Variants in COL25A1 observed in about 807,000 individuals in gnomAD.
The protein encoded by COL25A1 is collagen type XXV alpha 1 chain.
In COL25A1, 103 loss-of-function variants were observed where a neutral mutation model predicts 128.4. The ratio of observed to expected loss-of-function variants is 0.80; its 90% confidence interval spans 0.68 to 0.94. The LOEUF is 0.94. Among genes scored for constraint, COL25A1 ranks in the 40% least tolerant of loss-of-function variants. The pLI is 0.00. For missense variants in COL25A1, 745 were observed against 840.0 expected, an observed-to-expected ratio of 0.89 and a Z score of 1.40; for synonymous variants, 279 against 277.2, an observed-to-expected ratio of 1.01 and a Z score of -0.06.
chr4:108,904,728 T>C (rs762461893), intron 13 of COL25A1, among the ~76,000 whole-genome samples: 25 of 152,094 alleles, frequency 1.6e-4, no homozygotes, highest in Non-Finnish European at 3.7e-4. Context: ...GGGCATTCCA[T>C]AGATGGTAAT....
In COL25A1 at chr4:108,913,951, G is replaced by A. The variant is rs1010210674; in HGVS notation, c.780+4221C>T. ...ACTCATGCACACGCGCATGGTGGGG[G>A]AAAGAATAAATTATGGAGGGCAAAT... On this transcript the variant is annotated intron_variant, in intron 13 of 37. Coordinates refer to ENST00000399132, the MANE Select transcript of COL25A1 (RefSeq NM_198721.4). Among the ~76,000 whole-genome samples the A allele has an allele frequency of 4.6e-5, 7 of 152,274 alleles. No homozygotes were observed. The South Asian group carries it at 6.2e-4, about 14-fold the overall frequency.
intron 33 of COL25A1, among the ~76,000 whole-genome samples, 181 bp downstream of exon 33, chr4:108,826,954 G>A (rs1346585804): frequency 6.6e-6 from 1 of 151,996 alleles, no homozygotes; most frequent in Non-Finnish European, 1.5e-5. Flanking sequence ...ATGATGAGAG[G>A]GCAAGAGACT....
intron 6 of COL25A1, 48 bp downstream of exon 6, chr4:109,010,310 G>T: frequency 6.7e-7 from 1 of 1,484,536 alleles, no homozygotes; most frequent in Non-Finnish European, 9.2e-7. Flanking sequence ...CCTCCACACT[G>T]GGAAAATCCT....
At chr4:108,852,814 C>T in intron 25 of COL25A1, 88 bp downstream of exon 25, 1 of 987,326 alleles carries the variant, frequency 1.0e-6, no homozygotes, top group Non-Finnish European at 1.5e-6. Context: ...CAGATAAAAA[C>T]AATAGCTACA....
chr4:108,828,003 C>T (rs747491379), intron 32 of COL25A1, among the ~76,000 whole-genome samples: 1 of 152,152 alleles, frequency 6.6e-6, no homozygotes, highest in Non-Finnish European at 1.5e-5. Flanking sequence ...TCTGGGGCCT[C>T]TAGCTTTGTT....
chr4:108,848,901 CT>C (rs1454786647), intron 26 of COL25A1, 98 bp from the exon 27 acceptor site: 1 of 861,272 alleles, frequency 1.2e-6, no homozygotes, highest in African/African-American at 1.7e-5. Flanking sequence ...CACAATTTGA[CT>C]TTCAGCAAAT....
intron 6 of COL25A1, among the ~76,000 whole-genome samples, chr4:108,995,476 A>C (rs1018779103): frequency 2.0e-5 from 3 of 152,224 alleles, no homozygotes; most frequent in Non-Finnish European, 4.4e-5. Context: ...ATGTGAAAAG[A>C]CCAAATATGT....
At chr4:108,957,940 A>T (rs1192011908) in intron 8 of COL25A1, among the ~76,000 whole-genome samples, 2 of 152,170 alleles carry the variant, frequency 1.3e-5, no homozygotes, top group Non-Finnish European at 2.9e-5. Flanking sequence ...GTGACCTCTT[A>T]TATTACCCAA....
At chr4:108,890,230 G>A (rs1221729705) in intron 16 of COL25A1, among the ~76,000 whole-genome samples, 1 of 152,174 alleles carries the variant, frequency 6.6e-6, no homozygotes, top group African/African-American at 2.4e-5. Context: ...TAATGATGTC[G>A]AGTTAGAAAA....
chr4:108,926,383 AAAG>A (rs1365221319), intron 11 of COL25A1, among the ~76,000 whole-genome samples: 1 of 152,198 alleles, frequency 6.6e-6, no homozygotes, highest in Non-Finnish European at 1.5e-5. Flanking sequence ...AGGGAACAAA[AAAG>A]AGGTGGTCCA....
chr4:109,299,522 G>C (rs1725309608), intron 3 of COL25A1, among the ~76,000 whole-genome samples: 1 of 152,080 alleles, frequency 6.6e-6, no homozygotes, highest in South Asian at 2.1e-4. Flanking sequence ...TCTAAATGTG[G>C]TGCCTTGTGT....
intron 8 of COL25A1, among the ~76,000 whole-genome samples, chr4:108,954,166 T>A (rs1749785679): frequency 6.6e-6 from 1 of 152,180 alleles, no homozygotes; most frequent in African/African-American, 2.4e-5. Context: ...GAGGCTGTTG[T>A]AATCTACATG....
Position 109,202,077 on chromosome 4 carries a change from G to A in COL25A1, c.367+98506C>T, listed in dbSNP as rs375943071. ...TGATTTATAGGTTCAATGCAATCCCGATCAACTTCCCAGCAAGTTATTTTG... is the reference window on the plus strand; with the variant it reads ...TGATTTATAGGTTCAATGCAATCCCAATCAACTTCCCAGCAAGTTATTTTG... On this transcript the variant is annotated intron_variant, in intron 3 of 37. Transcript: ENST00000399132. Among the ~76,000 whole-genome samples the A allele has an allele frequency of 9.9e-4, 151 of 152,152 alleles. 2 individuals are homozygous for A. In the South Asian group the frequency reaches 0.03, roughly 30 times the overall value.
At chr4:108,816,476 G>C (rs1192294267) in intron 37 of COL25A1, among the ~76,000 whole-genome samples, 1 of 152,160 alleles carries the variant, frequency 6.6e-6, no homozygotes, top group Admixed American at 6.5e-5. Context: ...ATTTTTACAT[G>C]CTTGGAATGC....
intron 8 of COL25A1, among the ~76,000 whole-genome samples, chr4:108,965,726 G>T (rs896295463): frequency 5.3e-5 from 8 of 152,196 alleles, no homozygotes; most frequent in African/African-American, 1.9e-4. Flanking sequence ...AGCGGTAGCA[G>T]TAGTGGGTGT....
intron 36 of COL25A1, 52 bp downstream of exon 36, chr4:108,819,200 G>A (rs1731534076): frequency 5.1e-6 from 7 of 1,359,348 alleles, no homozygotes; most frequent in African/African-American, 2.9e-5. Context: ...AGATGAACAT[G>A]TGATAAACAA....
intron 23 of COL25A1, among the ~76,000 whole-genome samples, chr4:108,860,563 T>A (rs1375722350): frequency 6.6e-6 from 1 of 152,174 alleles, no homozygotes; most frequent in Non-Finnish European, 1.5e-5. Context: ...ATTAGTCATG[T>A]CATAATTCCC....
At chr4:109,141,830 T>C (rs1033834774) in intron 3 of COL25A1, among the ~76,000 whole-genome samples, 7 of 152,216 alleles carry the variant, frequency 4.6e-5, no homozygotes, top group African/African-American at 1.4e-4. Context: ...CTTTTCTTCT[T>C]TATTAGTCTG....
intron 8 of COL25A1, among the ~76,000 whole-genome samples, chr4:108,963,159 C>A (rs138116608): frequency 1.3e-5 from 2 of 152,260 alleles, no homozygotes; most frequent in African/African-American, 2.4e-5. Context: ...AGGGAAGAAT[C>A]AAAAATATAA....
Sources: gnomAD v4.1 joint callset for allele counts (sites outside exome capture counted in the v4.1 genomes callset) on GRCh38, gnomAD v4.1.1 for gene constraint, MANE v1.5 for transcripts, NCBI Gene and HGNC (gene_info 2026-07-23, HGNC 2026-07-21) for gene names.